NDUFAF7: variants seen among roughly 807,000 people sequenced by gnomAD.
The protein encoded by NDUFAF7 is NADH:ubiquinone oxidoreductase complex assembly factor 7.
A neutral mutation model predicts 47.2 loss-of-function variants in NDUFAF7; 48 were observed. The ratio of observed to expected loss-of-function variants is 1.02; its 90% CI spans 0.81 to 1.29. The LOEUF is 1.29. Among genes scored for constraint, NDUFAF7 ranks in the 50% most tolerant of loss-of-function variants. NDUFAF7 has a pLI of 0.00. For synonymous variants in NDUFAF7, 217 were observed against 190.0 expected (o/e 1.14, Z -1.17); for missense variants, 635 against 537.6 (o/e 1.18, Z -1.79).
chr2:37,263,624 T>G, the NDUFAF7 span, among the ~76,000 whole-genome samples: 1 of 152,210 alleles, frequency 6.6e-6, no homozygotes, highest in Non-Finnish European at 1.5e-5. Flanking sequence ...TTCATTTCAT[T>G]TAATGTGTTT....
downstream of NDUFAF7, chr2:37,253,100 A>G (rs578225844): frequency 4.7e-4 from 657 of 1,407,756 alleles, 2 homozygotes; most frequent in African/African-American, 8.6e-3. Flanking sequence ...GCAGATGACA[A>G]TCTACAAAGA....
chr2:37,256,649 TTTTTTTTTTTA>T (rs1667974871), downstream of NDUFAF7: 1 of 1,406,728 alleles, frequency 7.1e-7, no homozygotes. Flanking sequence ...TTTTTTTTTT[TTTTTTTTTTTA>T]CCTTCACCAG....
chr2:37,232,704 G>T (rs956721484), intron 2 of NDUFAF7, among the ~76,000 whole-genome samples: 1 of 152,156 alleles, frequency 6.6e-6, no homozygotes, highest in South Asian at 2.1e-4. Context: ...CTGGAAAGTC[G>T]TCTGTGTTGG....
intron 3 of NDUFAF7, among the ~76,000 whole-genome samples, chr2:37,236,605 T>G (rs1572534986): frequency 6.6e-6 from 1 of 151,088 alleles, no homozygotes; most frequent in East Asian, 1.9e-4. Context: ...TGAAACGCAG[T>G]CTCTACTAAA....
the NDUFAF7 span, among the ~76,000 whole-genome samples, chr2:37,259,311 T>C: frequency 6.6e-6 from 1 of 152,228 alleles, no homozygotes; most frequent in Non-Finnish European, 1.5e-5. Flanking sequence ...CCAAGGTTGA[T>C]ACTTGCTCAC....
At chr2:37,243,254 C>T (rs1253050491) in intron 6 of NDUFAF7, among the ~76,000 whole-genome samples, 1 of 152,058 alleles carries the variant, frequency 6.6e-6, no homozygotes, top group Non-Finnish European at 1.5e-5. Flanking sequence ...AGTTCAAGAC[C>T]AGCCTGGCCA....
downstream of NDUFAF7, among the ~76,000 whole-genome samples, chr2:37,257,685 A>G (rs1485969228): frequency 6.8e-6 from 1 of 146,862 alleles, no homozygotes; most frequent in East Asian, 1.9e-4. Context: ...AAAAAAAAAA[A>G]AAAAAAAAAG....
At chr2:37,264,189 G>A in the NDUFAF7 span, among the ~76,000 whole-genome samples, 1 of 152,076 alleles carries the variant, frequency 6.6e-6, no homozygotes, top group Admixed American at 6.5e-5. Context: ...CTCTTTTTCT[G>A]TGTAACTGTA....
At chr2:37,235,177 A>G (rs1665623027) in intron 2 of NDUFAF7, among the ~76,000 whole-genome samples, 1 of 152,042 alleles carries the variant, frequency 6.6e-6, no homozygotes, top group African/African-American at 2.4e-5. Context: ...GAGGTTGAGT[A>G]TAAGACTGCC....
downstream of NDUFAF7, chr2:37,257,007 A>G: frequency 6.9e-7 from 1 of 1,451,994 alleles, no homozygotes; most frequent in Non-Finnish European, 9.5e-7. Context: ...ATAACACTGT[A>G]TGTATCATTT....
the NDUFAF7 span, among the ~76,000 whole-genome samples, chr2:37,261,913 C>T: frequency 2.6e-5 from 4 of 152,230 alleles, no homozygotes; most frequent in South Asian, 4.1e-4. Flanking sequence ...ACAACCATTC[C>T]GTTTTTTTGA....
At position 37,240,994 on chromosome 2, in the gene NDUFAF7, G is replaced by A. The variant is rs546650003; in HGVS notation, c.409-584G>A. Among the ~76,000 whole-genome samples, 12 of 152,280 alleles carry A rather than the reference G, an allele frequency of 7.9e-5. No individual in the cohort carries two copies. In the South Asian group the frequency reaches 2.3e-3, roughly 29 times the overall value. ...AAATTAAATTCAAATGAAAAATAAT[G>A]TTGATACACTTTATGCTTTTGCTAT... On this transcript the variant is annotated intron_variant, in intron 4 of 9. Transcript: ENST00000002125.
At position 37,231,672 on chromosome 2, in the gene NDUFAF7, T is replaced by G. The variant is rs775343466; in HGVS notation, c.-34T>G. ...TCCCGGAAATGGTCTAAGCCCCAGC[T>G]CCTGGCGGAGCGAGCTAGCCTGCGA... On this transcript the variant is annotated 5_prime_UTR_variant, in exon 1 of 10. Transcript: ENST00000002125. The G allele has an allele frequency of 6.2e-7, 1 of 1,613,162 alleles. No individual in the cohort carries two copies. Among genetic ancestry groups the G allele is most frequent in the Non-Finnish European group, 8.5e-7 (1 of 1,179,336 alleles).
chr2:37,249,775 CAA>C (rs779997218), downstream of NDUFAF7, among the ~76,000 whole-genome samples: 21 of 151,966 alleles, frequency 1.4e-4, no homozygotes, highest in East Asian at 9.7e-4. Context: ...ATACTGGAAA[CAA>C]AGAGTTAGAG....
rs1356247290 is a variant in NDUFAF7, at chr2:37,243,982, A to G, written c.792+9A>G. The G allele has an allele frequency of 1.3e-6, 2 of 1,588,330 alleles. No individual in the cohort carries two copies. Among genetic ancestry groups the G allele is most frequent in the Non-Finnish European group, 1.7e-6 (2 of 1,157,780 alleles). On this transcript the variant is annotated intron_variant, in intron 7 of 9. Transcript: ENST00000002125. ...CAGAAGCCTTCATACAAGTAAGAAT[A>G]TGCTTTTTTAAGTTTCTTTTATTGC...
At chr2:37,244,084 G>A in intron 7 of NDUFAF7, 111 bp downstream of exon 7, 6 of 921,166 alleles carry the variant, frequency 6.5e-6, no homozygotes, top group Non-Finnish European at 1.0e-5. Flanking sequence ...AGAGTTGCTA[G>A]TAGCATACGA....
At chr2:37,270,595 G>A in the NDUFAF7 span, among the ~76,000 whole-genome samples, 1 of 152,118 alleles carries the variant, frequency 6.6e-6, no homozygotes, top group Non-Finnish European at 1.5e-5. Context: ...AGGTGTGACT[G>A]ATGAAAGAAA....
rs1177042568 is a variant in NDUFAF7, at chr2:37,248,463, A to G, written c.*113A>G. 9.6e-7 allele frequency: 1 copy of G among 1,041,110 alleles called. No homozygotes were observed. Among genetic ancestry groups the G allele is most frequent in the Non-Finnish European group, 1.5e-6 (1 of 676,618 alleles). The allele number at this position is 1,041,110 out of a possible 1,614,324, so 64.5% of individuals were successfully genotyped here. The stretch of plus-strand genomic sequence containing the variant: ...CAAAGTATTTTATCTTTTCACAGCA[A>G]GAACAGTCCATGTTGTATATAATAC... On this transcript the variant is annotated 3_prime_UTR_variant, in exon 10 of 10. Coordinates refer to ENST00000002125, the MANE Select transcript of NDUFAF7 (RefSeq NM_144736.5).
the NDUFAF7 span, chr2:37,267,451 A>G: frequency 6.2e-7 from 1 of 1,604,410 alleles, no homozygotes; most frequent in Non-Finnish European, 8.5e-7. Flanking sequence ...CCACTTCATT[A>G]CGGAGTTGAC....
Sources: gnomAD v4.1 joint callset for allele counts (sites outside exome capture counted in the v4.1 genomes callset) on GRCh38, gnomAD v4.1.1 for gene constraint, MANE v1.5 for transcripts, NCBI Gene and HGNC (gene_info 2026-07-23, HGNC 2026-07-21) for gene names.